CACNA2D3: variants seen among roughly 807,000 people sequenced by gnomAD.
CACNA2D3 encodes voltage-dependent calcium channel subunit alpha-2/delta-3.
A neutral mutation model predicts 160.6 loss-of-function variants in CACNA2D3; 60 were observed. That is an observed-to-expected ratio of 0.37 (90% CI 0.30 to 0.46). CACNA2D3 has a LOEUF of 0.46. CACNA2D3 is among the 20% of genes least tolerant of loss of function. CACNA2D3 has a pLI of 1.00. For synonymous variants in CACNA2D3, 558 were observed against 492.9 expected (o/e 1.13, Z -1.75); for missense variants, 1,205 against 1,365.0 (o/e 0.88, Z 1.85).
At chr3:54,727,485 T>C (rs2107004613) in intron 11 of CACNA2D3, among the ~76,000 whole-genome samples, 1 of 152,268 alleles carries the variant, frequency 6.6e-6, no homozygotes, top group South Asian at 2.1e-4. Flanking sequence ...CTATTCACAA[T>C]AGCAAAGACT....
At position 54,654,561 on chromosome 3, in the gene CACNA2D3, G is replaced by T. The variant is rs1006686219; in HGVS notation, c.1167+12320G>T. On this transcript the variant is annotated intron_variant, in intron 11 of 37. Transcript: ENST00000474759. ...CTCAATAGTTCGTATGGGAGGAGGG[G>T]CAGAGGAAAGAAAGAGGTTACTAAA... Among the ~76,000 whole-genome samples the T allele has an allele frequency of 2.8e-4, 42 of 152,154 alleles. 1 individual carries two copies. Among genetic ancestry groups the T allele is most frequent in the Non-Finnish European group, 7.3e-5 (5 of 68,028 alleles).
chr3:54,461,908 G>C (rs1288423784), intron 4 of CACNA2D3, among the ~76,000 whole-genome samples: 2 of 152,128 alleles, frequency 1.3e-5, no homozygotes, highest in East Asian at 1.9e-4. Flanking sequence ...TCTGTTGTGG[G>C]CATTTAGTGC....
At chr3:54,216,287 T>C (rs1047757013) in intron 2 of CACNA2D3, among the ~76,000 whole-genome samples, 1 of 152,260 alleles carries the variant, frequency 6.6e-6, no homozygotes, top group Non-Finnish European at 1.5e-5. Context: ...CCAAGCTTTT[T>C]GGTATCAATC....
At chr3:54,248,138 A>T (rs191132480) in intron 2 of CACNA2D3, among the ~76,000 whole-genome samples, 5 of 152,262 alleles carry the variant, frequency 3.3e-5, no homozygotes, top group Admixed American at 6.5e-5. Flanking sequence ...ATGTGGAGAT[A>T]GGGTCTTTTA....
intron 35 of CACNA2D3, among the ~76,000 whole-genome samples, chr3:55,037,633 C>T (rs1703853638): frequency 6.6e-6 from 1 of 152,178 alleles, no homozygotes; most frequent in Non-Finnish European, 1.5e-5. Flanking sequence ...ATCACCAACT[C>T]TGTGATTTTT....
At chr3:54,257,799 G>A (rs1311872438) in intron 2 of CACNA2D3, among the ~76,000 whole-genome samples, 1 of 152,194 alleles carries the variant, frequency 6.6e-6, no homozygotes, top group Non-Finnish European at 1.5e-5. Context: ...TGGTCTTGCT[G>A]AGCATTTTCT....
intron 3 of CACNA2D3, among the ~76,000 whole-genome samples, chr3:54,323,468 C>CT (rs11414571): frequency 0.4 from 54,838 of 138,372 alleles, 11,596 homozygotes; most frequent in South Asian, 0.51. Flanking sequence ...TTTTTCTTTT[C>CT]TTTTTTTTTT....
At chr3:54,720,835 A>G (rs1701155050) in intron 11 of CACNA2D3, among the ~76,000 whole-genome samples, 1 of 152,128 alleles carries the variant, frequency 6.6e-6, no homozygotes, top group South Asian at 2.1e-4. Flanking sequence ...TTATTATTAC[A>G]TCTAAATACA....
chr3:54,329,505 G>A (rs1393567189), intron 3 of CACNA2D3, among the ~76,000 whole-genome samples: 2 of 152,134 alleles, frequency 1.3e-5, no homozygotes, highest in Non-Finnish European at 2.9e-5. Flanking sequence ...CTCCACTGTC[G>A]GCTCCAAGCG....
intron 2 of CACNA2D3, among the ~76,000 whole-genome samples, chr3:54,231,824 G>A (rs1453633173): frequency 6.6e-6 from 1 of 150,918 alleles, no homozygotes; most frequent in Admixed American, 6.6e-5. Context: ...GCAGACAGCT[G>A]CTCACTGTCC....
chr3:54,530,809 G>A (rs1701794387), intron 5 of CACNA2D3, among the ~76,000 whole-genome samples: 1 of 152,148 alleles, frequency 6.6e-6, no homozygotes, highest in African/African-American at 2.4e-5. Context: ...GAAATCTTCT[G>A]TAGGAAATGA....
At chr3:54,363,196 A>AATAT (rs377127378) in intron 3 of CACNA2D3, among the ~76,000 whole-genome samples, 4,776 of 151,370 alleles carry the variant, frequency 0.032, 269 homozygotes, top group African/African-American at 0.11. Context: ...TCCATCTCCA[A>AATAT]ATATATATAT....
chr3:54,795,096 T>A (rs1343507371), intron 13 of CACNA2D3, among the ~76,000 whole-genome samples: 2 of 152,160 alleles, frequency 1.3e-5, no homozygotes, highest in Non-Finnish European at 2.9e-5. Context: ...TTTTTCTCTG[T>A]GTGCTTCATT....
intron 9 of CACNA2D3, among the ~76,000 whole-genome samples, chr3:54,596,156 C>T (rs1237004047): frequency 6.6e-6 from 1 of 152,058 alleles, no homozygotes; most frequent in Non-Finnish European, 1.5e-5. Context: ...ATTTTAGGTC[C>T]CTCCTTCAGT....
At chr3:54,197,845 A>T (rs1559879263) in intron 2 of CACNA2D3, among the ~76,000 whole-genome samples, 1 of 152,148 alleles carries the variant, frequency 6.6e-6, no homozygotes, top group African/African-American at 2.4e-5. Context: ...TTTGAAGGCT[A>T]CGTCTGAAAT....
chr3:54,972,277 A>C (rs1233588144), intron 29 of CACNA2D3, among the ~76,000 whole-genome samples: 1 of 152,176 alleles, frequency 6.6e-6, no homozygotes, highest in Non-Finnish European at 1.5e-5. Context: ...TCTGATGCTC[A>C]AATATCCTGA....
At chr3:54,674,407 A>G (rs139691955) in intron 11 of CACNA2D3, among the ~76,000 whole-genome samples, 115 of 152,228 alleles carry the variant, frequency 7.6e-4, no homozygotes, top group Admixed American at 1.8e-3. Flanking sequence ...GAGGAGAGAA[A>G]CAGGTATAAT....
chr3:54,806,842 A>G (rs1038050733), intron 13 of CACNA2D3, among the ~76,000 whole-genome samples: 13 of 152,246 alleles, frequency 8.5e-5, no homozygotes, highest in South Asian at 2.1e-4. Context: ...CATGGTACTG[A>G]TACCAAAACA....
At chr3:54,129,191 C>T (rs1699657532) in intron 2 of CACNA2D3, among the ~76,000 whole-genome samples, 1 of 152,176 alleles carries the variant, frequency 6.6e-6, no homozygotes, top group Non-Finnish European at 1.5e-5. Context: ...TTCGACAGCC[C>T]AGTACTTTGG....
Sources: gnomAD v4.1 joint callset for allele counts (sites outside exome capture counted in the v4.1 genomes callset) on GRCh38, gnomAD v4.1.1 for gene constraint, MANE v1.5 for transcripts, NCBI Gene and HGNC (gene_info 2026-07-23, HGNC 2026-07-21) for gene names.